TSPAN33: variants seen among roughly 807,000 people sequenced by gnomAD.
TSPAN33 encodes tetraspanin 33.
A neutral mutation model predicts 34.8 loss-of-function variants in TSPAN33; 27 were observed. That is an observed-to-expected ratio of 0.78 (90% confidence interval 0.57 to 1.07). The LOEUF (loss-of-function observed/expected upper bound fraction) is 1.07. TSPAN33 is among the 50% of genes least tolerant of loss of function. The probability of loss-of-function intolerance (pLI) is 0.00; values close to 1 mark genes in which losing one functional copy is unlikely to be tolerated. For synonymous variants in TSPAN33, 119 were observed against 124.2 expected, an observed-to-expected ratio of 0.96 and a Z score of 0.28; for missense variants, 272 against 324.9, an observed-to-expected ratio of 0.84 and a Z score of 1.25.
intron 1 of TSPAN33, among the ~76,000 whole-genome samples, chr7:129,157,375 G>A (rs1810677156): frequency 6.6e-6 from 1 of 151,868 alleles, no homozygotes. Flanking sequence ...GGGAAGTGGG[G>A]GCAGGAATGG....
At chr7:129,159,032 A>C (rs1195323544) in intron 1 of TSPAN33, among the ~76,000 whole-genome samples, 1 of 150,470 alleles carries the variant, frequency 6.6e-6, no homozygotes, top group Non-Finnish European at 1.5e-5. Flanking sequence ...TACAGGCATG[A>C]GCCACTGCAC....
At position 129,164,526 on chromosome 7, in the gene TSPAN33, A is replaced by C. The variant is rs758655065; in HGVS notation, c.416A>C (p.Asp139Ala). 5 of 1,614,078 alleles carry C rather than the reference A, an allele frequency of 3.1e-6. No individual in the cohort carries two copies. The highest frequency in any genetic ancestry group is 4.2e-6 in the Non-Finnish European group (5 of 1,180,002). The change falls in exon 5 of 8, where the codon GAT (aspartate) becomes GCT (alanine). Residue 139 changes from aspartate (D) to alanine (A), a missense_variant. By Grantham distance (126) the Asp-to-Ala change is moderately radical. Coordinates refer to ENST00000486685, the MANE Select transcript of TSPAN33 (RefSeq NM_178562.5). ...IINNAIVHYR[D>A]DLDLQNLIDF... ...AACAATGCCATTGTGCACTACCGAG[A>C]TGACTTGGATCTGCAGAACCTCATT...
At chr7:129,161,342 A>C (rs1259589180) in intron 1 of TSPAN33, among the ~76,000 whole-genome samples, 1 of 152,206 alleles carries the variant, frequency 6.6e-6, no homozygotes, top group Non-Finnish European at 1.5e-5. Context: ...TGGCCTCCCA[A>C]AATGCCCAGC....
chr7:129,169,540 A>G lies in TSPAN33; in HGVS notation c.*1666A>G, dbSNP rs946534904. Reference sequence around the variant, plus strand: ...CGACCGAACTGCTGCGGGGACAAAGAGCCGCGAGTTCGCTCCCTGCCCCCA... The same window carrying G: ...CGACCGAACTGCTGCGGGGACAAAGGGCCGCGAGTTCGCTCCCTGCCCCCA... On this transcript the variant is annotated 3_prime_UTR_variant, in exon 8 of 8. Transcript: ENST00000486685. 14 of 152,202 alleles carry G rather than the reference A, an allele frequency of 9.2e-5. No homozygotes were observed. Among genetic ancestry groups the G allele is most frequent in the African/African-American group, 2.7e-4 (11 of 41,442 alleles). The allele number at this position is 152,202 out of a possible 1,614,324, so 9.4% of individuals were successfully genotyped here. A position where few individuals can be genotyped will look rare whatever the true frequency, so the allele number is the denominator to read the frequency against.
At chr7:129,147,285 G>T (rs1435896451) in intron 1 of TSPAN33, among the ~76,000 whole-genome samples, 1 of 152,106 alleles carries the variant, frequency 6.6e-6, no homozygotes, top group Non-Finnish European at 1.5e-5. Flanking sequence ...CTCCTCTAAA[G>T]GAGAAACAAT....
rs1482685221 is a variant in TSPAN33, at chr7:129,169,403, G to A, written c.*1529G>A. The A allele has an allele frequency of 6.6e-6, 1 of 152,254 alleles. No individual in the cohort carries two copies. The highest frequency in any genetic ancestry group is 6.5e-5 in the Admixed American group (1 of 15,288). 9.4% of individuals were successfully genotyped at this position (152,254 alleles called of 1,614,324 possible). Reference sequence around the variant, plus strand: ...CCGCGCCTGCGTCCCCCAACCCGGAGGAGATGGGGGGCTGTGCTAGCTGCT... The same window carrying A: ...CCGCGCCTGCGTCCCCCAACCCGGAAGAGATGGGGGGCTGTGCTAGCTGCT... On this transcript the variant is annotated 3_prime_UTR_variant, in exon 8 of 8. Coordinates refer to ENST00000486685, the MANE Select transcript of TSPAN33 (RefSeq NM_178562.5).
intron 1 of TSPAN33, among the ~76,000 whole-genome samples, chr7:129,145,636 T>C (rs1810510608): frequency 1.3e-5 from 2 of 151,370 alleles, no homozygotes; most frequent in Non-Finnish European, 2.9e-5. Context: ...CCCCAAACTT[T>C]GTCCCCTCCC....
chr7:129,151,587 C>G (rs1176960608), intron 1 of TSPAN33, among the ~76,000 whole-genome samples: 1 of 152,112 alleles, frequency 6.6e-6, no homozygotes, highest in Non-Finnish European at 1.5e-5. Context: ...GAAGTACTGT[C>G]TTGTGGGCTA....
At chr7:129,154,114 C>T (rs1810636842) in intron 1 of TSPAN33, among the ~76,000 whole-genome samples, 1 of 150,846 alleles carries the variant, frequency 6.6e-6, no homozygotes, top group African/African-American at 2.4e-5. Context: ...GTAGGATCAC[C>T]ATATGCCAGG....
chr7:129,147,440 A>G (rs1810536210), intron 1 of TSPAN33, among the ~76,000 whole-genome samples: 1 of 152,080 alleles, frequency 6.6e-6, no homozygotes, highest in South Asian at 2.1e-4. Context: ...GGTGTTATTG[A>G]ATGTCCCTTC....
intron 1 of TSPAN33, among the ~76,000 whole-genome samples, chr7:129,160,986 C>G (rs1194737413): frequency 6.6e-6 from 1 of 152,186 alleles, no homozygotes; most frequent in Non-Finnish European, 1.5e-5. Context: ...TTCTTACTTC[C>G]CATCTTCAGA....
chr7:129,146,216 T>C (rs1001009703), intron 1 of TSPAN33, among the ~76,000 whole-genome samples: 12 of 152,180 alleles, frequency 7.9e-5, no homozygotes, highest in Admixed American at 1.3e-4. Flanking sequence ...GCTGGAAAGG[T>C]TTCACAGGGC....
At chr7:129,154,530 T>G (rs1206110112) in intron 1 of TSPAN33, among the ~76,000 whole-genome samples, 1 of 151,952 alleles carries the variant, frequency 6.6e-6, no homozygotes, top group Non-Finnish European at 1.5e-5. Flanking sequence ...TCACCTGAGG[T>G]CAGGAGTTTG....
chr7:129,151,222 G>A (rs889901262), intron 1 of TSPAN33, among the ~76,000 whole-genome samples: 2 of 152,122 alleles, frequency 1.3e-5, no homozygotes, highest in Non-Finnish European at 2.9e-5. Context: ...GACTGCTTGG[G>A]TTCAAGCAAT....
intron 1 of TSPAN33, among the ~76,000 whole-genome samples, chr7:129,159,076 T>G (rs1464661761): frequency 6.6e-6 from 1 of 151,384 alleles, no homozygotes; most frequent in Non-Finnish European, 1.5e-5. Context: ...TTCTTTTTTT[T>G]TAGAGATGAA....
intron 1 of TSPAN33, among the ~76,000 whole-genome samples, chr7:129,151,307 A>T (rs1487261854): frequency 6.6e-6 from 1 of 151,696 alleles, no homozygotes. Flanking sequence ...TTTTTTAGAG[A>T]CTGGACTTAC....
In TSPAN33 at chr7:129,157,006, G is replaced by C. The variant is rs1584637556; in HGVS notation, c.103-4673G>C. Among the ~76,000 whole-genome samples the C allele has an allele frequency of 2.0e-5, 3 of 152,298 alleles. No individual in the cohort carries two copies. The East Asian group carries it at 5.8e-4, about 29-fold the overall frequency. ...CTAGCTCTTAGAAGTTTCCAGCCAG[G>C]CTTCATTCTAGTCGGAATGTGAAAA... On this transcript the variant is annotated intron_variant, in intron 1 of 7. Coordinates refer to ENST00000486685, the MANE Select transcript of TSPAN33 (RefSeq NM_178562.5).
intron 1 of TSPAN33, among the ~76,000 whole-genome samples, chr7:129,157,780 C>G (rs1382805201): frequency 1.3e-5 from 2 of 152,198 alleles, no homozygotes; most frequent in Non-Finnish European, 2.9e-5. Context: ...TCCACCATAT[C>G]CACGCATGGA....
rs1029008802 is a variant in TSPAN33 at position 129,169,409 on chromosome 7, G to C, written c.*1535G>C. 2.0e-5 allele frequency: 3 copies of C among 152,256 alleles called. No individual in the cohort carries two copies. The highest frequency in any genetic ancestry group is 4.4e-5 in the Non-Finnish European group (3 of 68,058). 9.4% of individuals were successfully genotyped at this position (152,256 alleles called of 1,614,324 possible). A position where few individuals can be genotyped will look rare whatever the true frequency, so the allele number is the denominator to read the frequency against. ...CTGCGTCCCCCAACCCGGAGGAGATGGGGGGCTGTGCTAGCTGCTTGCCCA... is the reference window on the plus strand; with the variant it reads ...CTGCGTCCCCCAACCCGGAGGAGATCGGGGGCTGTGCTAGCTGCTTGCCCA... On this transcript the variant is annotated 3_prime_UTR_variant, in exon 8 of 8. Coordinates refer to ENST00000486685, the MANE Select transcript of TSPAN33 (RefSeq NM_178562.5).
Sources: allele counts gnomAD v4.1 joint callset (sites outside exome capture counted in the v4.1 genomes callset), GRCh38; gene constraint gnomAD v4.1.1; transcripts MANE v1.5; gene names NCBI Gene and HGNC (gene_info 2026-07-23, HGNC 2026-07-21).